Variants in SEC61A1 observed in about 807,000 individuals in gnomAD.
SEC61A1 encodes SEC61 translocon subunit alpha 1.
SEC61A1 carries 15 observed loss-of-function variants against 55.2 expected under a neutral mutation model. The observed-to-expected ratio is 0.27, with a 90% CI of 0.18 to 0.42. The LOEUF (loss-of-function observed/expected upper bound fraction) is 0.42, where lower values mean the gene tolerates loss of function less well. Ranked by LOEUF, SEC61A1 falls within the 10% of genes least tolerant of loss-of-function variation. SEC61A1 has a pLI of 1.00. For synonymous variants in SEC61A1, 247 were observed against 234.0 expected (o/e 1.06, Z -0.51); for missense variants, 284 against 602.6 (o/e 0.47, Z 5.53).
intron 7 of SEC61A1, among the ~76,000 whole-genome samples, chr3:128,063,931 G>A (rs1455860958): frequency 6.6e-6 from 1 of 152,194 alleles, no homozygotes; most frequent in Non-Finnish European, 1.5e-5. Flanking sequence ...TCTGTTGTCT[G>A]GTTCTTAGAT....
chr3:128,053,454 C>T (rs939817700), intron 2 of SEC61A1, among the ~76,000 whole-genome samples: 1 of 152,192 alleles, frequency 6.6e-6, no homozygotes, highest in African/African-American at 2.4e-5. Flanking sequence ...AAATTTAGAG[C>T]TGTGCTGAAT....
Position 128,067,839 on chromosome 3 carries a change from G to T in SEC61A1, c.1168-144G>T. On this transcript the variant is annotated intron_variant, in intron 10 of 11. Transcript: ENST00000243253. This position sits in a 1 kb window ranked among gnomAD's most constrained non-coding sequence, Gnocchi z 4.1. ...ACTGTAAAGTTAGACTTTTTCATAT[G>T]ACTTCCTTGCGGCAGTTTTAAAGTT... is the stretch of plus-strand genomic sequence containing the variant. The T allele has an allele frequency of 1.3e-6, 1 of 745,444 alleles. No homozygotes were observed. Among genetic ancestry groups the T allele is most frequent in the Admixed American group, 2.2e-5 (1 of 45,170 alleles). The allele number at this position is 745,444 out of a possible 1,614,324, so 46.2% of individuals were successfully genotyped here.
At chr3:128,063,644 CTT>C (rs1257712562) in intron 7 of SEC61A1, among the ~76,000 whole-genome samples, 1 of 152,140 alleles carries the variant, frequency 6.6e-6, no homozygotes, top group Non-Finnish European at 1.5e-5. Flanking sequence ...TCCTATTTGA[CTT>C]TTTTAAAAGT....
chr3:128,053,192 A>G (rs1175260155), intron 2 of SEC61A1, among the ~76,000 whole-genome samples: 2 of 152,126 alleles, frequency 1.3e-5, no homozygotes, highest in Admixed American at 6.6e-5. Flanking sequence ...CCATGAATGA[A>G]TAAGGCCTCA....
At chr3:128,065,552 T>C (rs1458883759) in intron 8 of SEC61A1, among the ~76,000 whole-genome samples, 2 of 152,150 alleles carry the variant, frequency 1.3e-5, no homozygotes, top group Non-Finnish European at 2.9e-5. Context: ...GTCCACTTTG[T>C]ATTTTGGTGT....
chr3:128,065,985 G>A (rs1471693607), intron 8 of SEC61A1, among the ~76,000 whole-genome samples: 2 of 151,798 alleles, frequency 1.3e-5, no homozygotes, highest in Admixed American at 6.6e-5. Flanking sequence ...CTCGTGATCC[G>A]CCCGCCTCCA....
In SEC61A1 at chr3:128,068,077, G is replaced by T. The variant is rs1559799383; in HGVS notation, c.1244+18G>T. 1 of 1,605,634 alleles carries T rather than the reference G, an allele frequency of 6.2e-7. No individual in the cohort carries two copies. On this transcript the variant is annotated intron_variant, in intron 11 of 11. Transcript: ENST00000243253. ...CTCAACCGGTGAGTGGTGGCCCCAG[G>T]TCCCCAACCTCCCGTCTGTGGACAT...
rs148375861 is a variant in SEC61A1 at position 128,067,538 on chromosome 3, A to G, written c.1093A>G (p.Ile365Val). 4 of 1,614,068 alleles carry G rather than the reference A, an allele frequency of 2.5e-6. No individual in the cohort carries two copies. Among genetic ancestry groups the G allele is most frequent in the Non-Finnish European group, 3.4e-6 (4 of 1,179,968 alleles). Residue 365 changes from isoleucine (I) to valine (V), a missense_variant, in exon 10 of 12, where the codon ATA becomes GTA. By Grantham distance (29) the Ile-to-Val change is conservative (BLOSUM62 3). Transcript: ENST00000243253. The surrounding 1 kb of genome is among the most constrained non-coding windows in gnomAD (Gnocchi z 4.1). ...LEDPVHAVVY[I>V]VFMLGSCAFF... ...AGACCCGGTCCATGCAGTTGTATAC[A>G]TAGTGTTCATGCTGGGCTCCTGTGC...
chr3:128,066,682 C>T (rs1941990696), intron 8 of SEC61A1: 2 of 459,140 alleles, frequency 4.4e-6, no homozygotes, highest in Non-Finnish European at 3.9e-6. Context: ...CCTCGGCCTC[C>T]CAAAGTGCTG....
chr3:128,060,080 C>T, intron 5 of SEC61A1, 22 bp from the exon 6 acceptor site: 2 of 1,569,828 alleles, frequency 1.3e-6, no homozygotes, highest in Non-Finnish European at 1.8e-6. Flanking sequence ...ACTTGGAAAA[C>T]ACTTCTTTCT....
chr3:128,065,095 C>G (rs571167828), intron 8 of SEC61A1, 58 bp downstream of exon 8: 204 of 1,556,776 alleles, frequency 1.3e-4, no homozygotes, highest in Non-Finnish European at 1.7e-4. Context: ...TTTCAGAATG[C>G]CTTGTGTGCA....
chr3:128,055,547 C>T lies in SEC61A1; in HGVS notation c.107C>T (p.Ala36Val). ...TTTAAGGAGAAAGTGCTGTGGACCG[C>T]TATCACCCTCTTTATCTTCTTAGTG... ...IQFKEKVLWT[A>V]ITLFIFLVCC... is the part of the protein sequence containing the mutation. Residue 36 changes from alanine (A) to valine (V), a missense_variant, in exon 3 of 12, where the codon GCT (alanine) becomes GTT (valine). Coordinates refer to ENST00000243253, the MANE Select transcript of SEC61A1 (RefSeq NM_013336.4). The T allele has an allele frequency of 6.2e-7, 1 of 1,613,702 alleles. No homozygotes were observed. The highest frequency in any genetic ancestry group is 8.5e-7 in the Non-Finnish European group (1 of 1,179,548).
chr3:128,067,332 C>T lies in SEC61A1; in HGVS notation c.976-89C>T. ...GTACTGTGGGCACCGAGTAAAATTG[C>T]ATTCTTTCATCTGCTCAGAACTATT... On this transcript the variant is annotated intron_variant, in intron 9 of 11. Transcript: ENST00000243253. This position sits in a 1 kb window ranked among gnomAD's most constrained non-coding sequence, Gnocchi z 4.1. 7.1e-7 allele frequency: 1 copy of T among 1,410,834 alleles called. No homozygotes were observed. The highest frequency in any genetic ancestry group is 9.7e-7 in the Non-Finnish European group (1 of 1,030,652). 87.4% of individuals were successfully genotyped at this position (1,410,834 alleles called of 1,614,324 possible). A position where few individuals can be genotyped will look rare whatever the true frequency, so the allele number is the denominator to read the frequency against.
rs1181485132 is a variant in SEC61A1 at position 128,060,445 on chromosome 3, A to T, written c.463-63A>T. On this transcript the variant is annotated intron_variant, in intron 6 of 11. Transcript: ENST00000243253. ...TTTATATCAGAGAACCCAATTACTG[A>T]AGGACGGAACCATGTCCGTGGGGAG... 17 of 1,547,998 alleles carry T rather than the reference A, an allele frequency of 1.1e-5. No homozygotes were observed. In the East Asian group the frequency reaches 3.8e-4, roughly 35 times the overall value.
chr3:128,069,738 G>A lies in SEC61A1; in HGVS notation c.*76G>A, dbSNP rs1000764286. The A allele has an allele frequency of 2.4e-6, 3 of 1,227,018 alleles. No homozygotes were observed. The highest frequency in any genetic ancestry group is 3.5e-6 in the Non-Finnish European group (3 of 850,420). The allele number at this position is 1,227,018 out of a possible 1,614,324, so 76.0% of individuals were successfully genotyped here. A position where few individuals can be genotyped will look rare whatever the true frequency, so the allele number is the denominator to read the frequency against. On this transcript the variant is annotated 3_prime_UTR_variant, in exon 12 of 12. Coordinates refer to ENST00000243253, the MANE Select transcript of SEC61A1 (RefSeq NM_013336.4). Reference sequence around the variant, plus strand: ...GGGAGCTCTCATCATGGCGCGTGCTGCTGCGGCATATGGACTTTTAATAAT... The same window carrying A: ...GGGAGCTCTCATCATGGCGCGTGCTACTGCGGCATATGGACTTTTAATAAT...
In SEC61A1 at chr3:128,067,955, C is replaced by G; in HGVS notation, c.1168-28C>G. On this transcript the variant is annotated intron_variant, in intron 10 of 11. Coordinates refer to ENST00000243253, the MANE Select transcript of SEC61A1 (RefSeq NM_013336.4). The surrounding 1 kb of genome is among the most constrained non-coding windows in gnomAD (Gnocchi z 4.1). Reference sequence around the variant, plus strand: ...CTATTTCCCCTTCAGCCTCCAATTCCAACTTCTCCCCTGTGGGCACCCTGC... The same window carrying G: ...CTATTTCCCCTTCAGCCTCCAATTCGAACTTCTCCCCTGTGGGCACCCTGC... 1 of 1,604,364 alleles carries G rather than the reference C, an allele frequency of 6.2e-7. No individual in the cohort carries two copies. Among genetic ancestry groups the G allele is most frequent in the Admixed American group, 1.7e-5 (1 of 59,892 alleles).
chr3:128,055,376 A>G (rs1941756385), intron 2 of SEC61A1, 140 bp from the exon 3 acceptor site: 3 of 708,320 alleles, frequency 4.2e-6, no homozygotes, highest in Admixed American at 4.3e-5. Context: ...TGTTTGGTAC[A>G]TGGTTTGGCT....
intron 1 of SEC61A1, 88 bp from the exon 2 acceptor site, chr3:128,052,747 C>T: frequency 6.6e-7 from 1 of 1,505,138 alleles, no homozygotes; most frequent in African/African-American, 1.4e-5. Flanking sequence ...CCTGCTCTCA[C>T]TCGTCGTGGG....
In SEC61A1 at chr3:128,061,867, GC is replaced by G. The variant is rs747057566; in HGVS notation, c.616+1210del. On this transcript the variant is annotated intron_variant, in intron 7 of 11. Coordinates refer to ENST00000243253, the MANE Select transcript of SEC61A1 (RefSeq NM_013336.4). ...GGGAAGGAAGTAAAGTCAGAGGGGAGCCCCTGGTGGCTTAGCAGCCCAGTAG... is the reference window on the plus strand; with the variant it reads ...GGGAAGGAAGTAAAGTCAGAGGGGAGCCCTGGTGGCTTAGCAGCCCAGTAG... Among the ~76,000 whole-genome samples, 8 of 152,300 alleles carry G rather than the reference GC, an allele frequency of 5.3e-5. No homozygotes were observed. The East Asian group carries it at 1.5e-3, about 29-fold the overall frequency.
Sources: allele counts gnomAD v4.1 joint callset (sites outside exome capture counted in the v4.1 genomes callset), GRCh38; gene constraint gnomAD v4.1.1; non-coding constraint Gnocchi (gnomAD v3.1); transcripts MANE v1.5; gene names NCBI Gene and HGNC (gene_info 2026-07-23, HGNC 2026-07-21).